Variants in MAST4 observed in about 807,000 individuals in gnomAD.
MAST4 encodes microtubule-associated serine/threonine-protein kinase 4.
A neutral mutation model predicts 162.7 loss-of-function variants in MAST4; 89 were observed. The observed-to-expected ratio is 0.55, with a 90% confidence interval of 0.46 to 0.65. The LOEUF (loss-of-function observed/expected upper bound fraction) is 0.65, where lower values mean the gene tolerates loss of function less well. Among genes scored for constraint, MAST4 ranks in the 30% least tolerant of loss-of-function variants. MAST4 has a pLI of 0.00. For synonymous variants in MAST4, 1,479 were observed against 1,361.1 expected (o/e 1.09, Z -1.91); for missense variants, 3,153 against 3,374.0 (o/e 0.93, Z 1.62).
chr5:67,126,733 T>G (rs1414475266), intron 14 of MAST4, among the ~76,000 whole-genome samples: 1 of 152,238 alleles, frequency 6.6e-6, no homozygotes, highest in Admixed American at 6.5e-5. Flanking sequence ...GCAGGCTCTT[T>G]TTTGGTTCCC....
At chr5:67,103,971 A>G (rs889739637) in intron 9 of MAST4, among the ~76,000 whole-genome samples, 3 of 152,208 alleles carry the variant, frequency 2.0e-5, no homozygotes, top group Non-Finnish European at 4.4e-5. Flanking sequence ...TGAAATGTTG[A>G]TTTCACTTAT....
chr5:66,599,155 C>G (rs191948164), intron 1 of MAST4, among the ~76,000 whole-genome samples: 4 of 152,292 alleles, frequency 2.6e-5, no homozygotes, highest in Admixed American at 2.6e-4. Context: ...GTTTTTTCCC[C>G]TCTTATGGAG....
chr5:67,099,756 G>A (rs183670537), intron 7 of MAST4, among the ~76,000 whole-genome samples: 13 of 151,000 alleles, frequency 8.6e-5, no homozygotes, highest in East Asian at 7.7e-4. Flanking sequence ...GTTGAATGAC[G>A]ATTTTCAAAA....
chr5:66,851,608 G>A (rs764194619), intron 3 of MAST4, among the ~76,000 whole-genome samples: 4 of 152,090 alleles, frequency 2.6e-5, no homozygotes, highest in Non-Finnish European at 5.9e-5. Flanking sequence ...CAGAGTCACC[G>A]TTTTCTTAAT....
At chr5:66,817,061 G>A (rs1756764118) in intron 3 of MAST4, among the ~76,000 whole-genome samples, 1 of 152,126 alleles carries the variant, frequency 6.6e-6, no homozygotes, top group Non-Finnish European at 1.5e-5. Context: ...AGCACCTGGA[G>A]TATCTTGTCC....
chr5:66,831,086 G>A (rs1020156391), intron 3 of MAST4, among the ~76,000 whole-genome samples: 1 of 152,058 alleles, frequency 6.6e-6, no homozygotes, highest in Admixed American at 6.5e-5. Context: ...TTAAAGTTAA[G>A]GGTCATATAA....
chr5:67,023,608 G>A (rs1754260486), intron 4 of MAST4, among the ~76,000 whole-genome samples: 1 of 152,156 alleles, frequency 6.6e-6, no homozygotes, highest in Non-Finnish European at 1.5e-5. Context: ...TCTTCATTAT[G>A]TGGATCGGAG....
intron 1 of MAST4, among the ~76,000 whole-genome samples, chr5:66,687,949 A>C (rs1431783778): frequency 6.6e-6 from 1 of 152,214 alleles, no homozygotes; most frequent in East Asian, 1.9e-4. Flanking sequence ...TCAGGTGCAC[A>C]GGTGTGGCAC....
At chr5:66,779,687 G>T (rs370601097) in intron 2 of MAST4, among the ~76,000 whole-genome samples, 6 of 152,196 alleles carry the variant, frequency 3.9e-5, no homozygotes, top group Admixed American at 3.9e-4. Flanking sequence ...TGCCCATGAG[G>T]ATGAGAGTCA....
intron 4 of MAST4, among the ~76,000 whole-genome samples, chr5:66,939,390 A>T (rs1404831705): frequency 6.6e-6 from 1 of 152,174 alleles, no homozygotes; most frequent in African/African-American, 2.4e-5. Flanking sequence ...ATCTTTTTCC[A>T]TATCCTTGCC....
At chr5:67,078,911 A>AATAAATAAATAAATATAT (rs1227485756) in intron 5 of MAST4, among the ~76,000 whole-genome samples, 16 of 38,098 alleles carry the variant, frequency 4.2e-4, no homozygotes, top group African/African-American at 2.0e-3. Flanking sequence ...TTTTTATATA[A>AATAAATAAATAAATATAT]ATATATATAT....
chr5:66,913,730 T>A lies in MAST4; in HGVS notation c.674+13748T>A, dbSNP rs1763923187. On this transcript the variant is annotated intron_variant, in intron 4 of 28. Transcript: ENST00000403625. ...TTTCCCTAATCCAAAGTCACAAAGG[T>A]TTTCTCATATGTTTTCTTCCAGAAG... Among the ~76,000 whole-genome samples, 3 of 152,194 alleles carry A rather than the reference T, an allele frequency of 2.0e-5. No homozygotes were observed. In the South Asian group the frequency reaches 6.2e-4, roughly 31 times the overall value.
At chr5:66,990,602 G>A (rs1257512922) in intron 4 of MAST4, among the ~76,000 whole-genome samples, 3 of 152,154 alleles carry the variant, frequency 2.0e-5, no homozygotes, top group Non-Finnish European at 2.9e-5. Context: ...TCATGCCACT[G>A]CACTCCAGCC....
At chr5:66,917,108 C>T in intron 4 of MAST4, 1 of 707,500 alleles carries the variant, frequency 1.4e-6, no homozygotes, top group Non-Finnish European at 2.6e-6. Context: ...TTTCTACATT[C>T]TCACCAGCAC....
chr5:66,676,904 T>C (rs1222283351), intron 1 of MAST4, among the ~76,000 whole-genome samples: 3 of 152,226 alleles, frequency 2.0e-5, no homozygotes, highest in African/African-American at 2.4e-5. Flanking sequence ...AAAATAATGG[T>C]TCTGTCAAGA....
At chr5:66,685,099 A>G (rs980393729) in intron 1 of MAST4, among the ~76,000 whole-genome samples, 1 of 152,130 alleles carries the variant, frequency 6.6e-6, no homozygotes, top group South Asian at 2.1e-4. Flanking sequence ...CTGTCTCTAC[A>G]TAAAATACAA....
At chr5:66,861,351 A>G (rs1332452288) in intron 3 of MAST4, among the ~76,000 whole-genome samples, 2 of 152,262 alleles carry the variant, frequency 1.3e-5, no homozygotes, top group Admixed American at 1.3e-4. Flanking sequence ...TGTGCCACTA[A>G]TAACCAACAT....
rs565463470 is a variant in MAST4 at position 66,949,399 on chromosome 5, C to T, written c.674+49417C>T. 2.5e-3 allele frequency among the ~76,000 whole-genome samples: 380 copies of T among 152,240 alleles called. 3 individuals carry two copies. The highest frequency in any genetic ancestry group is 4.2e-3 in the Non-Finnish European group (287 of 68,008). On this transcript the variant is annotated intron_variant, in intron 4 of 28. Coordinates refer to ENST00000403625, the MANE Select transcript of MAST4 (RefSeq NM_001164664.2). ...GTTCTCATGGTAGTGAGTGAGTTCT[C>T]GTGAGATCTGATGGTTTTATTATAT... is the stretch of plus-strand genomic sequence containing the variant.
At chr5:67,066,090 A>AT (rs547850971) in intron 5 of MAST4, among the ~76,000 whole-genome samples, 102 of 152,168 alleles carry the variant, frequency 6.7e-4, no homozygotes, top group Admixed American at 6.3e-3. Context: ...ACAGTCATAT[A>AT]GTTTTAGGGG....
Sources: allele counts gnomAD v4.1 joint callset (sites outside exome capture counted in the v4.1 genomes callset), GRCh38; gene constraint gnomAD v4.1.1; transcripts MANE v1.5; gene names NCBI Gene and HGNC (gene_info 2026-07-23, HGNC 2026-07-21).